Variants in SLC17A1 observed in about 807,000 individuals in gnomAD.
The protein encoded by SLC17A1 is solute carrier family 17 member 1.
In SLC17A1, 51 loss-of-function variants were observed where a neutral mutation model predicts 53.5. The observed-to-expected ratio is 0.95, with a 90% CI of 0.76 to 1.20. SLC17A1 has a LOEUF of 1.20. SLC17A1 is among the 50% of genes most tolerant of loss of function. The pLI is 0.00. For synonymous variants in SLC17A1, 179 were observed against 198.8 expected, an observed-to-expected ratio of 0.90 and a Z score of 0.84; for missense variants, 538 against 568.2, an observed-to-expected ratio of 0.95 and a Z score of 0.54.
chr6:25,761,794 C>A, the SLC17A1 span: 5 of 564,048 alleles, frequency 8.9e-6, no homozygotes, highest in African/African-American at 1.9e-5. Context: ...GCCAGGATGA[C>A]AAGTTAGTTT....
chr6:25,728,116 TAGAC>T, the SLC17A1 span, among the ~76,000 whole-genome samples: 16 of 152,212 alleles, frequency 1.1e-4, no homozygotes, highest in East Asian at 3.9e-4. Flanking sequence ...CGCAGCGACA[TAGAC>T]AGTATAACTT....
the SLC17A1 span, among the ~76,000 whole-genome samples, chr6:25,772,637 G>T: frequency 6.6e-6 from 1 of 152,104 alleles, no homozygotes. Flanking sequence ...TCTACAAATT[G>T]GGTAATTAAT....
chr6:25,731,755 G>T, the SLC17A1 span: 1 of 1,465,990 alleles, frequency 6.8e-7, no homozygotes. Flanking sequence ...TTTGGTTTGT[G>T]GAGCTCATCT....
At chr6:25,770,320 G>T in the SLC17A1 span, 41 of 1,613,530 alleles carry the variant, frequency 2.5e-5, no homozygotes, top group Admixed American at 1.5e-4. Flanking sequence ...TGTTTTCCAG[G>T]TATAAGTGGA....
the SLC17A1 span, chr6:25,731,731 C>T: frequency 7.9e-7 from 1 of 1,269,922 alleles, no homozygotes. Flanking sequence ...CTTTCATTGG[C>T]TCTTAAAAGA....
chr6:25,783,641 T>TA (rs1399217434), intron 12 of SLC17A1, among the ~76,000 whole-genome samples: 2 of 152,196 alleles, frequency 1.3e-5, no homozygotes, highest in Non-Finnish European at 2.9e-5. Flanking sequence ...TCAAGTTTGA[T>TA]ACTGCCACTC....
chr6:25,723,805 G>A, the SLC17A1 span, among the ~76,000 whole-genome samples: 21 of 152,214 alleles, frequency 1.4e-4, no homozygotes, highest in Admixed American at 3.3e-4. Flanking sequence ...TGTTGGGGGG[G>A]AAAATAAGTC....
the SLC17A1 span, chr6:25,773,425 A>G: frequency 1.3e-5 from 21 of 1,612,424 alleles, no homozygotes; most frequent in African/African-American, 2.3e-4. Flanking sequence ...ACATTTCTCT[A>G]TGTCCCTCTA....
At chr6:25,826,015 A>T (rs1261862126) in intron 3 of SLC17A1, among the ~76,000 whole-genome samples, 1 of 152,026 alleles carries the variant, frequency 6.6e-6, no homozygotes, top group African/African-American at 2.4e-5. Flanking sequence ...CTTTACTGAC[A>T]TTACCTATCT....
chr6:25,828,104 A>G (rs1036813438), intron 2 of SLC17A1, among the ~76,000 whole-genome samples: 1 of 152,134 alleles, frequency 6.6e-6, no homozygotes, highest in Non-Finnish European at 1.5e-5. Flanking sequence ...CACTTTTACC[A>G]CGTAATGGTG....
At chr6:25,728,800 C>A in the SLC17A1 span, among the ~76,000 whole-genome samples, 27 of 152,282 alleles carry the variant, frequency 1.8e-4, no homozygotes, top group Middle Eastern at 3.4e-3. Context: ...GGTGACAGAG[C>A]GAGACTCCGT....
chr6:25,779,011 G>A, downstream of SLC17A1: 1 of 1,608,704 alleles, frequency 6.2e-7, no homozygotes, highest in Admixed American at 1.7e-5. Flanking sequence ...AAGAGGGACA[G>A]GAATTGGGTG....
At chr6:25,792,540 C>T (rs9467600) in intron 12 of SLC17A1, among the ~76,000 whole-genome samples, 10,399 of 152,246 alleles carry the variant, frequency 0.068, 394 homozygotes, top group Non-Finnish European at 0.087. Context: ...ATCATGCTGA[C>T]CCAACATCCT....
the SLC17A1 span, among the ~76,000 whole-genome samples, chr6:25,759,618 A>G: frequency 6.6e-6 from 1 of 152,090 alleles, no homozygotes; most frequent in Non-Finnish European, 1.5e-5. Flanking sequence ...GCTACTCCTC[A>G]CTCCAGCCTG....
chr6:25,763,768 T>C, the SLC17A1 span, among the ~76,000 whole-genome samples: 1 of 152,216 alleles, frequency 6.6e-6, no homozygotes, highest in South Asian at 2.1e-4. Flanking sequence ...TCAGTAGTTT[T>C]TCTCTATCAG....
At chr6:25,731,370 C>T in the SLC17A1 span, among the ~76,000 whole-genome samples, 7 of 152,208 alleles carry the variant, frequency 4.6e-5, no homozygotes, top group Admixed American at 2.6e-4. Flanking sequence ...CAAGAAAAAG[C>T]AAACAGCCTA....
At chr6:25,792,164 A>G (rs1215668716) in intron 12 of SLC17A1, among the ~76,000 whole-genome samples, 1 of 152,214 alleles carries the variant, frequency 6.6e-6, no homozygotes, top group East Asian at 1.9e-4. Flanking sequence ...GACTTCCAGC[A>G]TTCACCTGAA....
At chr6:25,794,491 G>A (rs1763564252) in intron 12 of SLC17A1, among the ~76,000 whole-genome samples, 1 of 152,152 alleles carries the variant, frequency 6.6e-6, no homozygotes, top group Admixed American at 6.6e-5. Context: ...CAAGCACAAT[G>A]CATGCCCCTT....
At chr6:25,766,674 A>C in the SLC17A1 span, among the ~76,000 whole-genome samples, 1 of 152,226 alleles carries the variant, frequency 6.6e-6, no homozygotes, top group Non-Finnish European at 1.5e-5. Flanking sequence ...CCTTCCTCTC[A>C]AAAACACATA....
Sources: allele counts gnomAD v4.1 joint callset (sites outside exome capture counted in the v4.1 genomes callset), GRCh38; gene constraint gnomAD v4.1.1; transcripts MANE v1.5; gene names NCBI Gene and HGNC (gene_info 2026-07-23, HGNC 2026-07-21).